The following METRNL variants were observed in gnomAD, a reference collection of about 807,000 sequenced individuals.
METRNL encodes the protein meteorin-like protein.
A neutral mutation model predicts 17.4 loss-of-function variants in METRNL; 9 were observed. The ratio of observed to expected loss-of-function variants is 0.52; its 90% confidence interval spans 0.31 to 0.90. METRNL has a LOEUF of 0.90. Among genes scored for constraint, METRNL ranks in the 40% least tolerant of loss-of-function variants. The probability of loss-of-function intolerance (pLI) is 0.05; values close to 1 mark genes in which losing one functional copy is unlikely to be tolerated. For missense variants in METRNL, 408 were observed against 430.7 expected (o/e 0.95, Z 0.47); for synonymous variants, 215 against 199.3 (o/e 1.08, Z -0.66).
At chr17:83,091,761 C>T (rs1482885461) in intron 2 of METRNL, among the ~76,000 whole-genome samples, 1 of 152,234 alleles carries the variant, frequency 6.6e-6, no homozygotes, top group Non-Finnish European at 1.5e-5. Flanking sequence ...AGGGACGTTT[C>T]AGAGCCTTCA....
rs770763311 is a variant in METRNL at position 83,094,371 on chromosome 17, C to T, written c.732C>T (p.Pro244=). Residue 244 remains proline (P), a synonymous_variant, in exon 4 of 4, where the codon CCC becomes CCT. Transcript: ENST00000320095. ...AAAGCAGGGTCTTCGAGCCGGTGCCCGAGGGTGACGGCCACTGGCAGGGGC... is the reference window on the plus strand; with the variant it reads ...AAAGCAGGGTCTTCGAGCCGGTGCCTGAGGGTGACGGCCACTGGCAGGGGC... ...RQKSRVFEPV[P]EGDGHWQGRV... The T allele has an allele frequency of 2.3e-5, 37 of 1,610,708 alleles. No individual in the cohort carries two copies. In the East Asian group the frequency reaches 4.7e-4, roughly 20 times the overall value.
intron 2 of METRNL, among the ~76,000 whole-genome samples, chr17:83,086,346 A>G (rs948196879): frequency 1.3e-5 from 2 of 152,182 alleles, no homozygotes; most frequent in Non-Finnish European, 2.9e-5. Context: ...CAGCTGGCCC[A>G]TGAGCTCAGA....
intron 1 of METRNL, 31 bp downstream of exon 1, chr17:83,080,016 C>A: frequency 9.9e-7 from 1 of 1,008,612 alleles, no homozygotes; most frequent in Non-Finnish European, 1.2e-6. Flanking sequence ...CCCGGCCCGG[C>A]CCCCTCCCCT....
At chr17:83,084,857 G>T (rs569141599) in intron 1 of METRNL, 81 bp from the exon 2 acceptor site, 3 of 1,517,522 alleles carry the variant, frequency 2.0e-6, no homozygotes, top group Non-Finnish European at 2.7e-6. Flanking sequence ...AGCGGGTATC[G>T]TCCTCACTGA....
intron 2 of METRNL, among the ~76,000 whole-genome samples, chr17:83,085,546 A>G (rs939310523): frequency 3.3e-5 from 5 of 151,914 alleles, no homozygotes; most frequent in Non-Finnish European, 5.9e-5. Flanking sequence ...GGGGTGTGAC[A>G]TGGTGTAGGG....
chr17:83,093,262 T>A (rs7502442), intron 3 of METRNL, 36 bp downstream of exon 3: 6 of 1,571,226 alleles, frequency 3.8e-6, no homozygotes, highest in South Asian at 2.2e-5. Flanking sequence ...CCTCCTGTGC[T>A]CCTGGTTTCT....
Position 83,094,689 on chromosome 17 carries a change from C to T in METRNL, c.*114C>T, listed in dbSNP as rs1251870077. On this transcript the variant is annotated 3_prime_UTR_variant, in exon 4 of 4. Transcript: ENST00000320095. ...GCGCTGGGAGCCGCATGCCCTGGGC[C>T]CAGGCCTGACCCTGGTACCGAAGCT... 1.4e-5 allele frequency: 11 copies of T among 791,166 alleles called. No individual in the cohort carries two copies. The highest frequency in any genetic ancestry group is 3.6e-5 in the African/African-American group (2 of 55,736). 49.0% of individuals were successfully genotyped at this position (791,166 alleles called of 1,614,324 possible). A position where few individuals can be genotyped will look rare whatever the true frequency, so the allele number is the denominator to read the frequency against.
intron 2 of METRNL, among the ~76,000 whole-genome samples, chr17:83,087,746 G>A (rs889976189): frequency 6.6e-6 from 1 of 152,080 alleles, no homozygotes; most frequent in Non-Finnish European, 1.5e-5. Flanking sequence ...GAGAGCCGAC[G>A]GAGGCTGAGC....
chr17:83,082,104 T>TG (rs1286926952), intron 1 of METRNL: 85 of 985,126 alleles, frequency 8.6e-5, no homozygotes, highest in Non-Finnish European at 9.6e-5. Context: ...CTCCCTTCCG[T>TG]GGGGGGAGGC....
In METRNL at chr17:83,085,203, C is replaced by T; in HGVS notation, c.436C>T (p.Leu146=). 1 of 1,609,060 alleles carries T rather than the reference C, an allele frequency of 6.2e-7. No individual in the cohort carries two copies. ...GRPGRVQCFG[L]EQGGLFVEAT... is the part of the protein sequence containing the mutation. ...GCCCGGCCGGGTGCAGTGTTTTGGC[C>T]TGGAGCAGGGCGGCCTGTTCGTGGA... The change falls in exon 2 of 4, where the codon CTG becomes TTG. Residue 146 remains leucine (L), a synonymous_variant. Coordinates refer to ENST00000320095, the MANE Select transcript of METRNL (RefSeq NM_001004431.3).
chr17:83,087,470 G>A (rs998379732), intron 2 of METRNL, among the ~76,000 whole-genome samples: 1 of 152,186 alleles, frequency 6.6e-6, no homozygotes, highest in Admixed American at 6.5e-5. Context: ...GCCCTCACGA[G>A]AGGCCTCTCC....
intron 2 of METRNL, among the ~76,000 whole-genome samples, chr17:83,089,228 A>G (rs536410135): frequency 2.2e-4 from 33 of 152,094 alleles, no homozygotes; most frequent in Non-Finnish European, 4.1e-4. Flanking sequence ...CTCCACCCCT[A>G]CCCACTGCTC....
At position 83,094,514 on chromosome 17, in the gene METRNL, A is replaced by G; in HGVS notation, c.875A>G (p.Gln292Arg). ...LGCAPRFKDF[Q>R]RMYRDAQERG... is the part of the protein sequence containing the mutation. ...TGTGCCCCACGCTTCAAGGACTTCC[A>G]GAGGATGTACAGGGATGCCCAGGAG... Residue 292 changes from glutamine to arginine, a missense_variant, in exon 4 of 4, where the codon CAG becomes CGG. By Grantham distance (43) the Gln-to-Arg change is conservative. Transcript: ENST00000320095. 2.6e-6 allele frequency: 4 copies of G among 1,554,020 alleles called. No individual in the cohort carries two copies. The South Asian group carries it at 3.6e-5, about 14-fold the overall frequency.
chr17:83,080,794 G>A (rs965058777), intron 1 of METRNL, among the ~76,000 whole-genome samples: 3 of 150,114 alleles, frequency 2.0e-5, no homozygotes, highest in African/African-American at 7.3e-5. Context: ...CCCGAGTGAC[G>A]CGCGCCTCCC....
chr17:83,080,034 C>T, intron 1 of METRNL, 49 bp downstream of exon 1: 1 of 995,004 alleles, frequency 1.0e-6, no homozygotes. Context: ...CCTCGCGTCC[C>T]CTCCCGTCCC....
intron 2 of METRNL, among the ~76,000 whole-genome samples, chr17:83,088,412 C>T (rs866351495): frequency 4.9e-4 from 74 of 152,252 alleles, no homozygotes; most frequent in South Asian, 1.7e-3. Context: ...TACACAGACC[C>T]GAGACAGTCC....
At chr17:83,084,638 G>T in intron 1 of METRNL, 2 of 475,446 alleles carry the variant, frequency 4.2e-6, no homozygotes, top group East Asian at 3.4e-5. Flanking sequence ...AGTGTTGGAG[G>T]GTGTCTGGAG....
In METRNL at chr17:83,079,700, G is replaced by T. The variant is rs1003266285; in HGVS notation, c.-116G>T. On this transcript the variant is annotated 5_prime_UTR_variant, in exon 1 of 4. Transcript: ENST00000320095. Reference sequence around the variant, plus strand: ...CGGCCGCGCGGAGGACGCGGGGGGCGCGCGACGTGACCACCCGGACTCGAA... The same window carrying T: ...CGGCCGCGCGGAGGACGCGGGGGGCTCGCGACGTGACCACCCGGACTCGAA... The T allele has an allele frequency of 3.3e-6, 1 of 302,916 alleles. No individual in the cohort carries two copies. Among genetic ancestry groups the T allele is most frequent in the Admixed American group, 6.7e-5 (1 of 14,832 alleles). The allele number at this position is 302,916 out of a possible 1,614,324, so 18.8% of individuals were successfully genotyped here.
At chr17:83,080,129 C>T (rs2037965609) in intron 1 of METRNL, 144 bp downstream of exon 1, 2 of 239,614 alleles carry the variant, frequency 8.3e-6, no homozygotes, top group South Asian at 1.5e-4. Flanking sequence ...CAGTCCGGTG[C>T]CCGCTGTCCC....
Sources: allele counts gnomAD v4.1 joint callset (sites outside exome capture counted in the v4.1 genomes callset), GRCh38; gene constraint gnomAD v4.1.1; transcripts MANE v1.5; gene names NCBI Gene and HGNC (gene_info 2026-07-23, HGNC 2026-07-21).